The following ZBTB38 variants were observed in gnomAD, a reference collection of about 807,000 sequenced individuals.
The protein encoded by ZBTB38 is zinc finger and BTB domain-containing protein 38.
A neutral mutation model predicts 76.8 loss-of-function variants in ZBTB38; 20 were observed. The ratio of observed to expected loss-of-function variants is 0.26; its 90% CI spans 0.18 to 0.38. The LOEUF is 0.38. Among genes scored for constraint, ZBTB38 ranks in the 10% least tolerant of loss-of-function variants. The probability of loss-of-function intolerance (pLI) is 1.00; values close to 1 mark genes in which losing one functional copy is unlikely to be tolerated. For synonymous variants in ZBTB38, 504 were observed against 544.2 expected, an observed-to-expected ratio of 0.93 and a Z score of 1.03; for missense variants, 1,082 against 1,482.3, an observed-to-expected ratio of 0.73 and a Z score of 4.43.
At position 141,377,229 on chromosome 3, in the gene ZBTB38, C is replaced by T. The variant is rs78606994; in HGVS notation, c.-234-4196C>T. ...AACTGGGCAAACCCAAAGACTCAGCCCCCCCATCCAGAAAGACCATCCCAT... is the reference window on the plus strand; with the variant it reads ...AACTGGGCAAACCCAAAGACTCAGCTCCCCCATCCAGAAAGACCATCCCAT... On this transcript the variant is annotated intron_variant, in intron 2 of 5. Transcript: ENST00000321464. Among the ~76,000 whole-genome samples, 15 of 152,316 alleles carry T rather than the reference C, an allele frequency of 9.8e-5. No individual in the cohort carries two copies. In the South Asian group the frequency reaches 1.2e-3, roughly 13 times the overall value.
chr3:141,330,860 C>T (rs577374310), intron 1 of ZBTB38, among the ~76,000 whole-genome samples: 50 of 152,342 alleles, frequency 3.3e-4, no homozygotes, highest in Admixed American at 9.8e-4. Context: ...TACCCCAGGA[C>T]TCTGCAGAGA....
intron 5 of ZBTB38, among the ~76,000 whole-genome samples, chr3:141,412,106 C>G (rs1448642753): frequency 6.6e-6 from 1 of 152,102 alleles, no homozygotes; most frequent in Non-Finnish European, 1.5e-5. Flanking sequence ...TAAAAATGAC[C>G]TATATTTTTT....
At chr3:141,363,334 C>A (rs1450695665) in intron 1 of ZBTB38, among the ~76,000 whole-genome samples, 1 of 152,162 alleles carries the variant, frequency 6.6e-6, no homozygotes, top group African/African-American at 2.4e-5. Context: ...AATTGATCTG[C>A]AGGTACCATT....
intron 5 of ZBTB38, among the ~76,000 whole-genome samples, chr3:141,416,386 C>T (rs878995252): frequency 1.3e-5 from 2 of 152,122 alleles, no homozygotes; most frequent in Admixed American, 6.5e-5. Context: ...GTCCTTTGCC[C>T]TGGACTCACA....
rs960104584 is a variant in ZBTB38 at position 141,445,073 on chromosome 3, G to A, written c.2685G>A (p.Glu895=). 1 of 1,614,074 alleles carries A rather than the reference G, an allele frequency of 6.2e-7. No individual in the cohort carries two copies. Among genetic ancestry groups the A allele is most frequent in the Non-Finnish European group, 8.5e-7 (1 of 1,180,032 alleles). ...GDSPLGLCQS[E]CMEMSEVFDD... ...GCCCACTCGGGCTTTGCCAATCCGA[G>A]TGCATGGAGATGAGTGAAGTGTTCG... The change falls in exon 6 of 6, where the codon GAG becomes GAA. Residue 895 remains glutamate, a synonymous_variant. Transcript: ENST00000321464. This position sits in a 1 kb window ranked among gnomAD's most constrained non-coding sequence, Gnocchi z 6.5.
At position 141,434,135 on chromosome 3, in the gene ZBTB38, G is replaced by A. The variant is rs2078223701; in HGVS notation, c.1-8254G>A. 3.2e-6 allele frequency: 3 copies of A among 943,900 alleles called. No individual in the cohort carries two copies. The South Asian group carries it at 1.5e-4, about 46-fold the overall frequency. 58.5% of individuals were successfully genotyped at this position (943,900 alleles called of 1,614,324 possible). On this transcript the variant is annotated intron_variant, in intron 5 of 5. Coordinates refer to ENST00000321464, the MANE Select transcript of ZBTB38 (RefSeq NM_001376113.1). ...AGGGAAGATATAAATGTGAACAAAT[G>A]CATGATACCGTACATTGTAATGATG... is the stretch of plus-strand genomic sequence containing the variant.
chr3:141,398,467 G>C (rs1212359978), intron 4 of ZBTB38, among the ~76,000 whole-genome samples: 1 of 151,906 alleles, frequency 6.6e-6, no homozygotes, highest in East Asian at 1.9e-4. Flanking sequence ...GTATCTTCTT[G>C]TCTACTTAAC....
At chr3:141,324,697 G>A (rs1160197765) in intron 1 of ZBTB38, among the ~76,000 whole-genome samples, 2 of 152,148 alleles carry the variant, frequency 1.3e-5, no homozygotes, top group African/African-American at 4.8e-5. Context: ...AAGAAAGACA[G>A]GTGGAAAGGA....
chr3:141,390,365 C>G (rs1249503123), intron 4 of ZBTB38, among the ~76,000 whole-genome samples: 1 of 152,186 alleles, frequency 6.6e-6, no homozygotes, highest in Non-Finnish European at 1.5e-5. Context: ...CAAACAATTG[C>G]ACTGTTCTCA....
chr3:141,408,907 T>A (rs1015189190), intron 5 of ZBTB38, among the ~76,000 whole-genome samples: 3 of 152,208 alleles, frequency 2.0e-5, no homozygotes, highest in African/African-American at 7.2e-5. Flanking sequence ...AGGATGGAAC[T>A]GACATTCATG....
At chr3:141,341,749 C>G (rs972345054) in intron 1 of ZBTB38, among the ~76,000 whole-genome samples, 7 of 152,168 alleles carry the variant, frequency 4.6e-5, no homozygotes, top group African/African-American at 1.7e-4. Flanking sequence ...CAGTGAAAAC[C>G]AAGACACAGC....
intron 4 of ZBTB38, among the ~76,000 whole-genome samples, chr3:141,401,930 G>C (rs530163329): frequency 6.6e-6 from 1 of 152,356 alleles, no homozygotes; most frequent in South Asian, 2.1e-4. Flanking sequence ...CCTTATTCCT[G>C]AGAATTTGAT....
Position 141,399,185 on chromosome 3 carries a change from G to A in ZBTB38, c.-105-4742G>A, listed in dbSNP as rs1036177251. ...GATTTTATATAAAAATCCTGATTTA[G>A]ACTCCCTTAGGAAGTGCTGCAGATC... is the stretch of plus-strand genomic sequence containing the variant. On this transcript the variant is annotated intron_variant, in intron 4 of 5. Coordinates refer to ENST00000321464, the MANE Select transcript of ZBTB38 (RefSeq NM_001376113.1). Among the ~76,000 whole-genome samples the A allele has an allele frequency of 8.0e-4, 121 of 150,448 alleles. 2 individuals are homozygous for A. The highest frequency in any genetic ancestry group is 3.0e-3 in the African/African-American group (121 of 40,758).
At chr3:141,424,730 T>A (rs2076076035) in intron 5 of ZBTB38, among the ~76,000 whole-genome samples, 2 of 152,060 alleles carry the variant, frequency 1.3e-5, no homozygotes, top group South Asian at 2.1e-4. Context: ...AATGAGCCCC[T>A]ATGGGGTATC....
intron 4 of ZBTB38, among the ~76,000 whole-genome samples, chr3:141,402,090 A>G (rs1474550624): frequency 6.6e-6 from 1 of 152,136 alleles, no homozygotes; most frequent in Non-Finnish European, 1.5e-5. Flanking sequence ...CAGGTTCTGA[A>G]TTGTGTCCTC....
In ZBTB38 at chr3:141,444,079, A is replaced by G. The variant is rs967405134; in HGVS notation, c.1691A>G (p.Lys564Arg). 6.2e-7 allele frequency: 1 copy of G among 1,614,062 alleles called. No individual in the cohort carries two copies. Among genetic ancestry groups the G allele is most frequent in the Non-Finnish European group, 8.5e-7 (1 of 1,180,044 alleles). Reference sequence around the variant, plus strand: ...TTGAAGCCTAGTGTCTATCCGTATAAACTTTATAGGCTACTGCCTATGAAA... The same window carrying G: ...TTGAAGCCTAGTGTCTATCCGTATAGACTTTATAGGCTACTGCCTATGAAA... ...GGLKPSVYPYKLYRLLPMKCK... is the reference protein window; with the variant it reads ...GGLKPSVYPYRLYRLLPMKCK... Residue 564 changes from lysine (K) to arginine (R), a missense_variant, in exon 6 of 6, where the codon AAA becomes AGA. Physicochemically the swap from Lys to Arg is conservative, Grantham distance 26. Around this residue, in one of 8 missense-constraint regions of ZBTB38, gnomAD observed 471 missense variants for 581.0 expected, o/e 0.81. Coordinates refer to ENST00000321464, the MANE Select transcript of ZBTB38 (RefSeq NM_001376113.1). This position sits in a 1 kb window ranked among gnomAD's most constrained non-coding sequence, Gnocchi z 5.1.
chr3:141,372,213 C>G (rs1944712832), intron 2 of ZBTB38, among the ~76,000 whole-genome samples: 1 of 152,280 alleles, frequency 6.6e-6, no homozygotes, highest in Middle Eastern at 3.4e-3. Flanking sequence ...TAGGATGGAG[C>G]TGAGGAGGAA....
intron 4 of ZBTB38, chr3:141,389,934 C>T (rs567509364): frequency 2.6e-5 from 4 of 152,152 alleles, no homozygotes; most frequent in South Asian, 2.1e-4. Flanking sequence ...TACTTAATGG[C>T]GTTTTTTTGT....
chr3:141,393,145 A>C lies in ZBTB38; in HGVS notation c.-106+6208A>C, dbSNP rs575070474. Among the ~76,000 whole-genome samples, 21 of 152,362 alleles carry C rather than the reference A, an allele frequency of 1.4e-4. No individual in the cohort carries two copies. In the East Asian group the frequency reaches 4.0e-3, roughly 29 times the overall value. ...CAGTGTAAATATTCTTTCTGTGCTC[A>C]TGAAAAGCAGTGGAGGCTTTCATTA... On this transcript the variant is annotated intron_variant, in intron 4 of 5. Coordinates refer to ENST00000321464, the MANE Select transcript of ZBTB38 (RefSeq NM_001376113.1).
Sources: gnomAD v4.1 joint callset for allele counts (sites outside exome capture counted in the v4.1 genomes callset) on GRCh38, gnomAD v4.1.1 for gene constraint, gnomAD v4.1.1 regional missense constraint, Gnocchi (gnomAD v3.1) non-coding constraint, MANE v1.5 for transcripts, NCBI Gene and HGNC (gene_info 2026-07-23, HGNC 2026-07-21) for gene names.